The following MBOAT4 variants were observed in gnomAD, a reference collection of about 807,000 sequenced individuals.
MBOAT4 encodes the protein membrane bound ghrelin O-acyltransferase MBOAT4, also known as membrane-bound ghrelin O-acyltransferase MBOAT4.
In MBOAT4, 11 loss-of-function variants were observed where a neutral mutation model predicts 13.2. That is an observed-to-expected ratio of 0.84 (90% CI 0.53 to 1.38). MBOAT4 has a LOEUF of 1.38. Among genes scored for constraint, MBOAT4 ranks in the 40% most tolerant of loss-of-function variants. The pLI, the probability that MBOAT4 is intolerant of heterozygous loss-of-function variation, is 0.00. For missense variants in MBOAT4, 481 were observed against 527.2 expected, an observed-to-expected ratio of 0.91 and a Z score of 0.86; for synonymous variants, 202 against 210.3, an observed-to-expected ratio of 0.96 and a Z score of 0.34.
At chr8:30,143,367 ATAT>A (rs1169891410) in intron 1 of MBOAT4, among the ~76,000 whole-genome samples, 28 of 15,320 alleles carry the variant, frequency 1.8e-3, no homozygotes, top group African/African-American at 2.8e-3. Context: ...AAAAAAAAAA[ATAT>A]ATATATATAT....
chr8:30,131,941 T>C lies in MBOAT4; in HGVS notation c.*2A>G, dbSNP rs1217563728. ...GTTTAAGGTGAAAGCCAGGGAAAGA[T>C]GTCAGTTACATTTGTGCTTTCTCTT... is the stretch of plus-strand genomic sequence containing the variant. On this transcript the variant is annotated 3_prime_UTR_variant, in exon 3 of 3. Coordinates refer to ENST00000320542, the MANE Select transcript of MBOAT4 (RefSeq NM_001100916.2). 6.5e-7 allele frequency: 1 copy of C among 1,540,874 alleles called. No homozygotes were observed. The highest frequency in any genetic ancestry group is 2.5e-5 in the East Asian group (1 of 40,708).
chr8:30,132,906 C>A lies in MBOAT4; in HGVS notation c.345G>T (p.Arg115Ser), dbSNP rs1356099441. The change falls in exon 3 of 3, where the codon AGG becomes AGT. Residue 115 changes from arginine (R) to serine (S), a missense_variant and splice_region_variant. Arg to Ser is a moderately radical substitution (Grantham distance 110). Coordinates refer to ENST00000320542, the MANE Select transcript of MBOAT4 (RefSeq NM_001100916.2). The stretch of plus-strand genomic sequence containing the variant: ...TGAGAGAAGAAAGAGTGATGCAGAA[C>A]CTGCAAGATAATTTTTTAAAGAACA... ...EYYLHEPPSV[R>S]FCITLSSLML... The A allele has an allele frequency of 4.0e-6, 6 of 1,501,724 alleles. No individual in the cohort carries two copies. The East Asian group carries it at 1.5e-4, about 37-fold the overall frequency. The allele number at this position is 1,501,724 out of a possible 1,614,324, so 93.0% of individuals were successfully genotyped here. A position where few individuals can be genotyped will look rare whatever the true frequency, so the allele number is the denominator to read the frequency against.
At chr8:30,140,733 G>A (rs998695717) in intron 1 of MBOAT4, among the ~76,000 whole-genome samples, 4 of 152,098 alleles carry the variant, frequency 2.6e-5, no homozygotes, top group African/African-American at 9.7e-5. Flanking sequence ...GACCACGACC[G>A]TATGTTTCCA....
At position 30,131,959 on chromosome 8, in the gene MBOAT4, T is replaced by C; in HGVS notation, c.1292A>G (p.Lys431Arg). ...GGAAAGATGTCAGTTACATTTGTGC[T>C]TTCTCTTCGCCAATAGCAAAAGCAG... ...CILLLLLAKRKHKCN is the reference protein window; with the variant it reads ...CILLLLLAKRRHKCN The change falls in exon 3 of 3, where the codon AAG becomes AGG. Residue 431 changes from lysine (K) to arginine (R), a missense_variant. Coordinates refer to ENST00000320542, the MANE Select transcript of MBOAT4 (RefSeq NM_001100916.2). 1.3e-6 allele frequency: 2 copies of C among 1,547,928 alleles called. No individual in the cohort carries two copies. Among genetic ancestry groups the C allele is most frequent in the African/African-American group, 1.4e-5 (1 of 73,066 alleles).
Position 30,144,643 on chromosome 8 carries a change from A to C in MBOAT4, c.-42T>G, listed in dbSNP as rs1803320033. 7.8e-7 allele frequency: 1 copy of C among 1,287,208 alleles called. No homozygotes were observed. Among genetic ancestry groups the C allele is most frequent in the Admixed American group, 2.2e-5 (1 of 45,242 alleles). 79.7% of individuals were successfully genotyped at this position (1,287,208 alleles called of 1,614,324 possible). On this transcript the variant is annotated 5_prime_UTR_variant, in exon 1 of 3. Transcript: ENST00000320542. ...AGAGCCTGTCTTTTCCAGTGTCCTT[A>C]ACTGATGCCTTCCTCCAAGAGTAAT...
chr8:30,140,735 A>G (rs2117549101), intron 1 of MBOAT4, among the ~76,000 whole-genome samples: 1 of 152,252 alleles, frequency 6.6e-6, no homozygotes, highest in Non-Finnish European at 1.5e-5. Context: ...CCACGACCGT[A>G]TGTTTCCACC....
At chr8:30,134,601 G>A (rs1803099625) in intron 2 of MBOAT4, among the ~76,000 whole-genome samples, 1 of 152,022 alleles carries the variant, frequency 6.6e-6, no homozygotes, top group Non-Finnish European at 1.5e-5. Context: ...GAGTGCAGTG[G>A]CGCGATCTCA....
chr8:30,133,943 G>C (rs1803084338), intron 2 of MBOAT4, among the ~76,000 whole-genome samples: 1 of 152,006 alleles, frequency 6.6e-6, no homozygotes, highest in South Asian at 2.1e-4. Context: ...TACCACAAAA[G>C]ACTGCAAAAA....
In MBOAT4 at chr8:30,138,567, G is replaced by T. The variant is rs1299839233; in HGVS notation, c.309C>A (p.Tyr103Ter). Reference protein sequence around the residue: ...WQTLCHLGLHYTEYYLHEPPS... With the variant: ...WQTLCHLGLH ...GAGGCTCATGCAGATAATACTCAGT[G>T]TAGTGCAGACCTAGGTGACACAAGG... Residue 103 changes from tyrosine (Y) to a stop codon, truncating the protein, a stop_gained, in exon 2 of 3, where the codon TAC becomes TAA. Transcript: ENST00000320542. LOFTEE classifies it low-confidence loss of function (END_TRUNC). The T allele has an allele frequency of 1.9e-6, 3 of 1,551,658 alleles. No individual in the cohort carries two copies. The highest frequency in any genetic ancestry group is 2.6e-6 in the Non-Finnish European group (3 of 1,146,996).
rs1225583747 is a variant in MBOAT4 at position 30,132,201 on chromosome 8, G to T, written c.1050C>A (p.Cys350Ter). 2 of 1,551,866 alleles carry T rather than the reference G, an allele frequency of 1.3e-6. No homozygotes were observed. The highest frequency in any genetic ancestry group is 2.0e-5 in the Admixed American group (1 of 50,998). The stretch of plus-strand genomic sequence containing the variant: ...AGTCAGCTTCCACCATCACGGCCCA[G>T]CAAACGAAACCAAACACCTGTCCTG... ...LHPGQVFGFV[C>*]WAVMVEADYL... is the part of the protein sequence containing the mutation. The change falls in exon 3 of 3, where the codon TGC (cysteine) becomes TGA (stop). Residue 350 changes from cysteine (C) to a stop codon, truncating the protein, a stop_gained. Coordinates refer to ENST00000320542, the MANE Select transcript of MBOAT4 (RefSeq NM_001100916.2). LOFTEE classifies it low-confidence loss of function (END_TRUNC).
At chr8:30,140,801 G>A (rs1177924018) in intron 1 of MBOAT4, among the ~76,000 whole-genome samples, 1 of 152,132 alleles carries the variant, frequency 6.6e-6, no homozygotes, top group East Asian at 1.9e-4. Context: ...TGTCTTTCAT[G>A]ATAGTGGCCA....
At chr8:30,137,709 G>C (rs1400796852) in intron 2 of MBOAT4, 1 of 575,278 alleles carries the variant, frequency 1.7e-6, no homozygotes, top group Non-Finnish European at 3.1e-6. Context: ...ATTTTGGGAG[G>C]AACTTAGTTA....
At chr8:30,136,071 A>G (rs1441266955) in intron 2 of MBOAT4, among the ~76,000 whole-genome samples, 1 of 152,162 alleles carries the variant, frequency 6.6e-6, no homozygotes, top group Non-Finnish European at 1.5e-5. Flanking sequence ...ACTGATTCTC[A>G]CTGAAAGCAA....
At chr8:30,138,498 T>C in intron 2 of MBOAT4, 34 bp downstream of exon 2, 1 of 1,511,598 alleles carries the variant, frequency 6.6e-7, no homozygotes, top group Non-Finnish European at 9.0e-7. Flanking sequence ...AAACTGTAGG[T>C]GGGCTGAGCA....
intron 2 of MBOAT4, among the ~76,000 whole-genome samples, chr8:30,136,729 A>G (rs1291609518): frequency 1.6e-5 from 2 of 125,380 alleles, no homozygotes; most frequent in African/African-American, 7.5e-5. Context: ...CTCCCCCCGA[A>G]CTTTTTTTTT....
rs1388870829 is a variant in MBOAT4 at position 30,138,682 on chromosome 8, G to A, written c.194C>T (p.Thr65Ile). 6.4e-6 allele frequency: 10 copies of A among 1,551,084 alleles called. No homozygotes were observed. ...AMGSYAVLVF[T>I]PAVCAVALLC... ...GAGAGCCACAGCGCAGACAGCAGGG[G>A]TGAAGACGAGCACGGCGTAGGAACC... The change falls in exon 2 of 3, where the codon ACC becomes ATC. Residue 65 changes from threonine (T) to isoleucine (I), a missense_variant. Transcript: ENST00000320542.
At position 30,132,924 on chromosome 8, in the gene MBOAT4, A is replaced by G; in HGVS notation, c.345-18T>C. 1 of 1,487,922 alleles carries G rather than the reference A, an allele frequency of 6.7e-7. No homozygotes were observed. Among genetic ancestry groups the G allele is most frequent in the Non-Finnish European group, 8.9e-7 (1 of 1,119,870 alleles). The allele number at this position is 1,487,922 out of a possible 1,614,324, so 92.2% of individuals were successfully genotyped here. A position where few individuals can be genotyped will look rare whatever the true frequency, so the allele number is the denominator to read the frequency against. On this transcript the variant is annotated intron_variant, in intron 2 of 2. Coordinates refer to ENST00000320542, the MANE Select transcript of MBOAT4 (RefSeq NM_001100916.2). ...TGCAGAACCTGCAAGATAATTTTTTAAAGAACATAAAAACACTCTGTATTT... is the reference window on the plus strand; with the variant it reads ...TGCAGAACCTGCAAGATAATTTTTTGAAGAACATAAAAACACTCTGTATTT...
chr8:30,143,610 C>T (rs1362638458), intron 1 of MBOAT4, among the ~76,000 whole-genome samples: 1 of 151,982 alleles, frequency 6.6e-6, no homozygotes, highest in Non-Finnish European at 1.5e-5. Flanking sequence ...TTTAAAAAAT[C>T]ATTACAATCA....
chr8:30,132,969 A>G (rs1803059667), intron 2 of MBOAT4, 63 bp from the exon 3 acceptor site: 13 of 1,444,312 alleles, frequency 9.0e-6, no homozygotes, highest in Admixed American at 2.7e-5. Flanking sequence ...CTCTTATTCC[A>G]GTCTGTCATA....
Sources: allele counts gnomAD v4.1 joint callset (sites outside exome capture counted in the v4.1 genomes callset), GRCh38; gene constraint gnomAD v4.1.1; transcripts MANE v1.5; gene names NCBI Gene and HGNC (gene_info 2026-07-23, HGNC 2026-07-21).